The following MEI4 variants were observed in gnomAD, a reference collection of about 807,000 sequenced individuals.
MEI4 encodes meiotic double-stranded break formation protein 4, also known as meiosis-specific protein MEI4.
Under a neutral mutation model 31.4 loss-of-function variants are expected in MEI4, and 27 were observed. That is an observed-to-expected ratio of 0.86 (90% CI 0.63 to 1.19). The LOEUF is 1.19. Among genes scored for constraint, MEI4 ranks in the 50% most tolerant of loss-of-function variants. The pLI is 0.00. For missense variants in MEI4, 329 were observed against 398.9 expected, an observed-to-expected ratio of 0.82 and a Z score of 1.49; for synonymous variants, 122 against 145.4, an observed-to-expected ratio of 0.84 and a Z score of 1.16.
rs562680558 is a variant in MEI4 at position 77,696,529 on chromosome 6, G to T, written c.232+5626G>T. 3.4e-3 allele frequency among the ~76,000 whole-genome samples: 512 copies of T among 151,818 alleles called. 1 individual carries two copies. Among genetic ancestry groups the T allele is most frequent in the African/African-American group, 0.012 (498 of 41,400 alleles). ...CTGCATCTATTGAGATAATCATGTGGTTTTTGTCTTTGGTTCTGTTTATAT... is the reference window on the plus strand; with the variant it reads ...CTGCATCTATTGAGATAATCATGTGTTTTTTGTCTTTGGTTCTGTTTATAT... On this transcript the variant is annotated intron_variant, in intron 2 of 4. Transcript: ENST00000684080.
intron 2 of MEI4, among the ~76,000 whole-genome samples, chr6:77,751,295 AC>A (rs1319349617): frequency 6.6e-6 from 1 of 151,790 alleles, no homozygotes; most frequent in Non-Finnish European, 1.5e-5. Context: ...ATAGAAACAC[AC>A]AAAAAAAAAC....
chr6:77,827,674 T>C (rs986013449), intron 3 of MEI4, among the ~76,000 whole-genome samples: 2 of 152,330 alleles, frequency 1.3e-5, no homozygotes, highest in Non-Finnish European at 2.9e-5. Context: ...TGTCCTCCCA[T>C]GGTTTGGACC....
chr6:77,775,258 G>A (rs181294329), intron 3 of MEI4, among the ~76,000 whole-genome samples: 1 of 152,156 alleles, frequency 6.6e-6, no homozygotes, highest in East Asian at 1.9e-4. Flanking sequence ...TTCTTTAGTC[G>A]TCATTTCTGA....
Position 77,733,459 on chromosome 6 carries a change from T to G in MEI4, c.233-27671T>G, listed in dbSNP as rs1192789034. ...TCTGATGGTAGTTTGTATTTCTGTG[T>G]GATCGGTGGTGGTATCCCGTTTATC... On this transcript the variant is annotated intron_variant, in intron 2 of 4. Transcript: ENST00000684080. Among the ~76,000 whole-genome samples, 4 of 152,184 alleles carry G rather than the reference T, an allele frequency of 2.6e-5. No individual in the cohort carries two copies. In the East Asian group the frequency reaches 7.7e-4, roughly 29 times the overall value.
At chr6:77,883,256 G>A (rs1771531316) in intron 4 of MEI4, among the ~76,000 whole-genome samples, 2 of 152,032 alleles carry the variant, frequency 1.3e-5, no homozygotes, top group Non-Finnish European at 2.9e-5. Context: ...TCAAATCAAG[G>A]TATTTAGGAT....
chr6:77,864,737 G>C (rs2127722626), intron 4 of MEI4, among the ~76,000 whole-genome samples: 2 of 152,234 alleles, frequency 1.3e-5, no homozygotes, highest in East Asian at 3.9e-4. Context: ...AGACCTAATA[G>C]ACATCTAAAG....
At chr6:77,744,378 G>A (rs1227761096) in intron 2 of MEI4, among the ~76,000 whole-genome samples, 8 of 152,126 alleles carry the variant, frequency 5.3e-5, no homozygotes, top group Admixed American at 3.9e-4. Context: ...AGTGATGGAA[G>A]ATGAAATGAA....
At chr6:77,789,913 C>A (rs1251776379) in intron 3 of MEI4, among the ~76,000 whole-genome samples, 2 of 151,976 alleles carry the variant, frequency 1.3e-5, no homozygotes, top group African/African-American at 2.4e-5. Flanking sequence ...GGATATATAC[C>A]CAAAGGACTA....
chr6:77,840,726 A>T (rs1466311600), intron 4 of MEI4, among the ~76,000 whole-genome samples: 1 of 152,188 alleles, frequency 6.6e-6, no homozygotes, highest in South Asian at 2.1e-4. Flanking sequence ...CCATTACCAA[A>T]AAAATGAACA....
chr6:77,871,016 G>A (rs9359298), intron 4 of MEI4, among the ~76,000 whole-genome samples: 2,987 of 152,184 alleles, frequency 0.02, 68 homozygotes, highest in East Asian at 0.088. Context: ...TAATGATACG[G>A]CTCATTTTTC....
intron 2 of MEI4, among the ~76,000 whole-genome samples, chr6:77,742,353 G>A (rs1290530558): frequency 6.6e-6 from 1 of 151,768 alleles, no homozygotes; most frequent in Non-Finnish European, 1.5e-5. Context: ...GTTTTGATTT[G>A]CATTTCTCTG....
At chr6:77,864,133 A>G (rs1284917691) in intron 4 of MEI4, among the ~76,000 whole-genome samples, 1 of 152,226 alleles carries the variant, frequency 6.6e-6, no homozygotes, top group Non-Finnish European at 1.5e-5. Flanking sequence ...AACATGCCAA[A>G]TTGTAAAGAC....
upstream of MEI4, among the ~76,000 whole-genome samples, chr6:77,651,600 A>G (rs559807930): frequency 6.6e-6 from 1 of 152,366 alleles, no homozygotes; most frequent in South Asian, 2.1e-4. Flanking sequence ...ACAGCGTATT[A>G]TATGACTGCA....
intron 3 of MEI4, among the ~76,000 whole-genome samples, chr6:77,821,799 CAAAAAA>C (rs34905460): frequency 1.3e-4 from 12 of 93,040 alleles, no homozygotes; most frequent in Non-Finnish European, 1.8e-4. Context: ...GCCATCTCTC[CAAAAAA>C]AAAAAAAAAA....
At chr6:77,909,873 C>T (rs1168911319) in intron 4 of MEI4, among the ~76,000 whole-genome samples, 2 of 152,164 alleles carry the variant, frequency 1.3e-5, no homozygotes, top group African/African-American at 2.4e-5. Context: ...ATCAAGTGGG[C>T]TTCATCCCTG....
At chr6:77,705,815 G>T (rs1766318422) in intron 2 of MEI4, among the ~76,000 whole-genome samples, 1 of 152,100 alleles carries the variant, frequency 6.6e-6, no homozygotes, top group Non-Finnish European at 1.5e-5. Context: ...AGTGTGTGTG[G>T]GCATTTGTTA....
At chr6:77,862,386 C>T (rs1770889913) in intron 4 of MEI4, among the ~76,000 whole-genome samples, 1 of 152,236 alleles carries the variant, frequency 6.6e-6, no homozygotes, top group South Asian at 2.1e-4. Flanking sequence ...TAATACTGTG[C>T]TTTTCCAACG....
chr6:77,759,431 GGCTT>G (rs1767995911), intron 2 of MEI4, among the ~76,000 whole-genome samples: 1 of 152,022 alleles, frequency 6.6e-6, no homozygotes, highest in African/African-American at 2.4e-5. Context: ...CCCAGTCTTA[GGCTT>G]ATGTGACCAG....
chr6:77,786,376 A>T (rs1344155002), intron 3 of MEI4, among the ~76,000 whole-genome samples: 1 of 152,280 alleles, frequency 6.6e-6, no homozygotes, highest in East Asian at 1.9e-4. Context: ...TATATTGAAT[A>T]AATCATTAAT....
Sources: allele counts gnomAD v4.1 joint callset (sites outside exome capture counted in the v4.1 genomes callset), GRCh38; gene constraint gnomAD v4.1.1; transcripts MANE v1.5; gene names NCBI Gene and HGNC (gene_info 2026-07-23, HGNC 2026-07-21).